PARD3: variants seen among roughly 807,000 people sequenced by gnomAD.
PARD3 encodes par-3 family cell polarity regulator, also known as partitioning defective 3 homolog.
PARD3 carries 75 observed loss-of-function variants against 155.4 expected under a neutral mutation model. The ratio of observed to expected loss-of-function variants is 0.48; its 90% CI spans 0.40 to 0.58. The LOEUF is 0.58. Ranked by LOEUF, PARD3 falls within the 20% of genes least tolerant of loss-of-function variation. PARD3 has a pLI of 0.00. For missense variants in PARD3, 1,642 were observed against 1,721.7 expected (o/e 0.95, Z 0.82); for synonymous variants, 576 against 610.5 (o/e 0.94, Z 0.83).
chr10:34,407,003 T>C (rs938142221), intron 5 of PARD3, among the ~76,000 whole-genome samples: 1 of 152,146 alleles, frequency 6.6e-6, no homozygotes, highest in African/African-American at 2.4e-5. Flanking sequence ...ACAACTCTTA[T>C]CTTCCATATG....
At chr10:34,546,032 G>C (rs933619466) in intron 2 of PARD3, among the ~76,000 whole-genome samples, 9 of 152,126 alleles carry the variant, frequency 5.9e-5, no homozygotes, top group African/African-American at 1.7e-4. Context: ...TGCGCTATAA[G>C]CATGTCTTTA....
At chr10:34,263,012 TTAATGA>T (rs1185545048) in intron 22 of PARD3, among the ~76,000 whole-genome samples, 1 of 152,234 alleles carries the variant, frequency 6.6e-6, no homozygotes, top group Non-Finnish European at 1.5e-5. Flanking sequence ...ACCAAGCTAT[TTAATGA>T]AGGAAGTGGC....
chr10:34,381,160 TCA>T (rs1418104703), intron 9 of PARD3, among the ~76,000 whole-genome samples: 1 of 152,160 alleles, frequency 6.6e-6, no homozygotes, highest in Non-Finnish European at 1.5e-5. Context: ...AACAGCAGTC[TCA>T]GAGTTTACAA....
intron 2 of PARD3, among the ~76,000 whole-genome samples, chr10:34,591,923 A>C (rs889151161): frequency 8.5e-5 from 13 of 152,170 alleles, no homozygotes; most frequent in South Asian, 8.3e-4. Flanking sequence ...CTGCAGGCCT[A>C]AGGTACGATG....
intron 1 of PARD3, among the ~76,000 whole-genome samples, chr10:34,781,432 G>A (rs1443246224): frequency 2.6e-5 from 4 of 152,182 alleles, no homozygotes; most frequent in Non-Finnish European, 5.9e-5. Flanking sequence ...GCATAATAAA[G>A]AGGTCTGCCA....
At chr10:34,720,750 T>G (rs1390341512) in intron 1 of PARD3, among the ~76,000 whole-genome samples, 3 of 151,810 alleles carry the variant, frequency 2.0e-5, no homozygotes, top group Admixed American at 6.6e-5. Context: ...TGAGCCAAGA[T>G]CGCGCCATTG....
Position 34,205,834 on chromosome 10 carries a change from G to A in PARD3, c.3419+63823C>T, listed in dbSNP as rs553925792. On this transcript the variant is annotated intron_variant, in intron 22 of 24. Transcript: ENST00000374788. ...TCCTGCTGTGGCCATTGTAGTTGGC[G>A]GCAGGCAGACCACCACAGCGTATGC... 2.6e-5 allele frequency among the ~76,000 whole-genome samples: 4 copies of A among 152,238 alleles called. No homozygotes were observed. In the East Asian group the frequency reaches 5.8e-4, roughly 22 times the overall value.
chr10:34,725,139 GTGTGTGTGTGTGAC>G (rs1395163097), intron 1 of PARD3, among the ~76,000 whole-genome samples: 2 of 126,298 alleles, frequency 1.6e-5, no homozygotes, highest in African/African-American at 5.3e-5. Context: ...GTGTGTGTGT[GTGTGTGTGTGTGAC>G]AGAGAGAGAG....
At chr10:34,199,545 T>A (rs778920319) in intron 22 of PARD3, among the ~76,000 whole-genome samples, 1 of 152,094 alleles carries the variant, frequency 6.6e-6, no homozygotes, top group Non-Finnish European at 1.5e-5. Context: ...GAGCTTTGTT[T>A]TGCCCTACAG....
intron 22 of PARD3, among the ~76,000 whole-genome samples, chr10:34,248,521 C>CA (rs1223107270): frequency 3.9e-5 from 6 of 152,028 alleles, no homozygotes; most frequent in South Asian, 4.1e-4. Flanking sequence ...AACAATAGGA[C>CA]AAAAAAATGG....
intron 20 of PARD3, among the ~76,000 whole-genome samples, chr10:34,293,164 T>C (rs1192507196): frequency 6.6e-6 from 1 of 152,120 alleles, no homozygotes; most frequent in Non-Finnish European, 1.5e-5. Flanking sequence ...ATCACTGAAA[T>C]AATACATATA....
intron 22 of PARD3, among the ~76,000 whole-genome samples, chr10:34,213,789 T>C (rs1355578190): frequency 1.3e-5 from 2 of 152,258 alleles, no homozygotes; most frequent in East Asian, 1.9e-4. Flanking sequence ...CCACGATTCA[T>C]GAATGTTTCA....
At chr10:34,376,387 A>G (rs1564643099) in intron 10 of PARD3, among the ~76,000 whole-genome samples, 7 of 152,338 alleles carry the variant, frequency 4.6e-5, no homozygotes, top group Admixed American at 4.6e-4. Flanking sequence ...TTATCTTTAG[A>G]AAGAAAGACG....
rs564108163 is a variant in PARD3, at chr10:34,412,172, A to AT, written c.715-10256dup. Among the ~76,000 whole-genome samples the AT allele has an allele frequency of 2.7e-4, 41 of 152,066 alleles. No individual in the cohort carries two copies. The East Asian group carries it at 3.9e-3, about 14-fold the overall frequency. ...CAGACTGGGTCTCAGTATGCTGCCC[A>AT]TTTTGGTCTCTAACTCCTGGCCTCA... On this transcript the variant is annotated intron_variant, in intron 5 of 24. Transcript: ENST00000374788.
At chr10:34,645,979 C>T (rs1200608291) in intron 2 of PARD3, among the ~76,000 whole-genome samples, 1 of 152,146 alleles carries the variant, frequency 6.6e-6, no homozygotes, top group East Asian at 1.9e-4. Flanking sequence ...ATCACCAGGA[C>T]AACACAGAAC....
At chr10:34,431,335 G>A (rs556381610) in intron 5 of PARD3, among the ~76,000 whole-genome samples, 1 of 152,304 alleles carries the variant, frequency 6.6e-6, no homozygotes, top group African/African-American at 2.4e-5. Context: ...GAAGTCAGAA[G>A]GAACAGAATT....
intron 22 of PARD3, among the ~76,000 whole-genome samples, chr10:34,155,130 G>C (rs775613546): frequency 1.2e-4 from 18 of 152,140 alleles, no homozygotes; most frequent in Non-Finnish European, 2.5e-4. Flanking sequence ...ATTTGGGCTG[G>C]GTTTGGAGTG....
chr10:34,359,380 T>A (rs1308035335), intron 13 of PARD3, 63 bp from the exon 14 acceptor site: 1 of 1,192,928 alleles, frequency 8.4e-7, no homozygotes, highest in African/African-American at 1.5e-5. Context: ...AAGTAGCTTT[T>A]CCTTTAGTTA....
chr10:34,452,111 AC>A (rs2077094708), intron 4 of PARD3, among the ~76,000 whole-genome samples: 1 of 152,158 alleles, frequency 6.6e-6, no homozygotes, highest in Non-Finnish European at 1.5e-5. Context: ...TGCAAGTATA[AC>A]TTTTATGTCA....
Sources: allele counts gnomAD v4.1 joint callset (sites outside exome capture counted in the v4.1 genomes callset), GRCh38; gene constraint gnomAD v4.1.1; transcripts MANE v1.5; gene names NCBI Gene and HGNC (gene_info 2026-07-23, HGNC 2026-07-21).